SGCG: variants seen among roughly 807,000 people sequenced by gnomAD.
SGCG encodes gamma-sarcoglycan.
Under a neutral mutation model 29.3 loss-of-function variants are expected in SGCG, and 26 were observed. The ratio of observed to expected loss-of-function variants is 0.89; its 90% CI spans 0.65 to 1.23. The LOEUF is 1.23. Among genes scored for constraint, SGCG ranks in the 50% most tolerant of loss-of-function variants. SGCG has a pLI of 0.00. For synonymous variants in SGCG, 145 were observed against 129.7 expected, an observed-to-expected ratio of 1.12 and a Z score of -0.80; for missense variants, 353 against 356.0, an observed-to-expected ratio of 0.99 and a Z score of 0.07.
chr13:23,286,710 T>C (rs1252349812), intron 5 of SGCG, among the ~76,000 whole-genome samples: 3 of 150,974 alleles, frequency 2.0e-5, no homozygotes, highest in Admixed American at 6.6e-5. Context: ...TATAAAAATA[T>C]ACTGTAATAA....
chr13:23,261,839 T>C (rs1469793866), intron 4 of SGCG, among the ~76,000 whole-genome samples: 1 of 152,036 alleles, frequency 6.6e-6, no homozygotes, highest in Admixed American at 6.6e-5. Flanking sequence ...TCAGAAAGGA[T>C]TGGGGTACTA....
intron 3 of SGCG, among the ~76,000 whole-genome samples, chr13:23,241,355 G>C (rs1455556810): frequency 3.9e-5 from 6 of 152,036 alleles, no homozygotes; most frequent in Admixed American, 3.3e-4. Context: ...TTGTCAATAA[G>C]TTTGAAAGCC....
intron 6 of SGCG, among the ~76,000 whole-genome samples, chr13:23,305,502 T>A (rs1465033234): frequency 1.3e-5 from 2 of 152,214 alleles, no homozygotes; most frequent in East Asian, 3.9e-4. Flanking sequence ...TTTCCAAGTA[T>A]AATATCTCTA....
chr13:23,211,721 G>A (rs1423654237), intron 2 of SGCG, among the ~76,000 whole-genome samples: 3 of 152,180 alleles, frequency 2.0e-5, no homozygotes, highest in Non-Finnish European at 4.4e-5. Flanking sequence ...CTGCAGTCTT[G>A]TTCTAAACTG....
chr13:23,269,838 G>GT (rs71100163), intron 4 of SGCG, among the ~76,000 whole-genome samples: 14,633 of 124,698 alleles, frequency 0.12, 943 homozygotes, highest in Middle Eastern at 0.19. Flanking sequence ...TATGTATTTT[G>GT]TTTTTTTTTT....
chr13:23,198,256 T>A (rs1332628753), intron 1 of SGCG, among the ~76,000 whole-genome samples: 6 of 152,172 alleles, frequency 3.9e-5, no homozygotes, highest in Non-Finnish European at 5.9e-5. Flanking sequence ...AGACTCTTGA[T>A]AATGGCCTAC....
At chr13:23,269,856 C>CTTTTTTTTG (rs147225366) in intron 4 of SGCG, among the ~76,000 whole-genome samples, 5 of 131,126 alleles carry the variant, frequency 3.8e-5, no homozygotes, top group Admixed American at 1.6e-4. Context: ...TTTTGGTTTG[C>CTTTTTTTTG]TTTTTTTTGT....
the SGCG span, among the ~76,000 whole-genome samples, chr13:23,160,972 G>C: frequency 1.3e-5 from 2 of 152,186 alleles, no homozygotes; most frequent in Non-Finnish European, 2.9e-5. Flanking sequence ...TCCTGTGTGC[G>C]TGTGTGTGGT....
intron 4 of SGCG, among the ~76,000 whole-genome samples, chr13:23,269,750 C>T (rs1277016192): frequency 6.6e-6 from 1 of 151,676 alleles, no homozygotes; most frequent in Non-Finnish European, 1.5e-5. Flanking sequence ...CGTGATTATT[C>T]AGCTATTCAC....
intron 2 of SGCG, among the ~76,000 whole-genome samples, chr13:23,207,627 A>T (rs527707): frequency 0.24 from 37,270 of 152,146 alleles, 4,891 homozygotes; most frequent in Middle Eastern, 0.33. Flanking sequence ...GCAAAAAGAC[A>T]AATAACCTGA....
At chr13:23,281,341 GTAATAATAA>G (rs57723057) in intron 5 of SGCG, among the ~76,000 whole-genome samples, 4,769 of 146,494 alleles carry the variant, frequency 0.033, 144 homozygotes, top group African/African-American at 0.07. Context: ...CCGTGTCTCA[GTAATAATAA>G]TAATAATAAT....
At chr13:23,292,473 G>A (rs1881754645) in intron 5 of SGCG, among the ~76,000 whole-genome samples, 1 of 152,220 alleles carries the variant, frequency 6.6e-6, no homozygotes, top group Admixed American at 6.5e-5. Context: ...GCCCCAAATT[G>A]CAATTCTGTG....
At position 23,231,329 on chromosome 13, in the gene SGCG, CT is replaced by C. The variant is rs57796934; in HGVS notation, c.196-3268del. ...GAGCTGGGAATGAGTCCCTCTTTCT[CT>C]TTTTTTTTTTTTTGAGTAGCTTTAG... is the stretch of plus-strand genomic sequence containing the variant. On this transcript the variant is annotated intron_variant, in intron 2 of 7. Transcript: ENST00000218867. Among the ~76,000 whole-genome samples the C allele has an allele frequency of 8.6e-3, 1,244 of 145,448 alleles. 19 individuals are homozygous for C. The highest frequency in any genetic ancestry group is 0.027 in the African/African-American group (1,078 of 39,854).
intron 6 of SGCG, among the ~76,000 whole-genome samples, chr13:23,298,594 T>TAAA (rs1882001119): frequency 6.6e-6 from 1 of 152,148 alleles, no homozygotes; most frequent in African/African-American, 2.4e-5. Flanking sequence ...AGATTAACAT[T>TAAA]AAAGAATTTT....
At chr13:23,268,659 A>G (rs9507061) in intron 4 of SGCG, 87,235 of 152,254 alleles carry the variant, frequency 0.57, 26,662 homozygotes, top group Middle Eastern at 0.77. Context: ...CTTCTGTGAA[A>G]AACAGCAGGG....
chr13:23,216,520 A>C (rs1878435860), intron 2 of SGCG, among the ~76,000 whole-genome samples: 1 of 152,120 alleles, frequency 6.6e-6, no homozygotes, highest in Non-Finnish European at 1.5e-5. Flanking sequence ...TAACTGTAAA[A>C]ATTTATTAGT....
chr13:23,297,716 T>A (rs1362109442), intron 6 of SGCG, among the ~76,000 whole-genome samples: 1 of 152,084 alleles, frequency 6.6e-6, no homozygotes, highest in Non-Finnish European at 1.5e-5. Context: ...GTTGCAGAGA[T>A]TTTGCTTATG....
chr13:23,300,068 C>T (rs1882092101), intron 6 of SGCG, among the ~76,000 whole-genome samples: 2 of 152,214 alleles, frequency 1.3e-5, no homozygotes, highest in East Asian at 1.9e-4. Context: ...GGATGATACC[C>T]CAGAAAAGGG....
intron 6 of SGCG, among the ~76,000 whole-genome samples, chr13:23,297,931 G>T (rs1403607647): frequency 1.3e-5 from 2 of 151,950 alleles, no homozygotes; most frequent in African/African-American, 4.8e-5. Context: ...TTTTAGTAGA[G>T]ACGGGGTTTC....
Sources: gnomAD v4.1 joint callset for allele counts (sites outside exome capture counted in the v4.1 genomes callset) on GRCh38, gnomAD v4.1.1 for gene constraint, MANE v1.5 for transcripts, NCBI Gene and HGNC (gene_info 2026-07-23, HGNC 2026-07-21) for gene names.